The following BTBD16 variants were observed in gnomAD, a reference collection of about 807,000 sequenced individuals.
BTBD16 encodes BTB/POZ domain-containing protein 16.
Under a neutral mutation model 67.4 loss-of-function variants are expected in BTBD16, and 66 were observed. The observed-to-expected ratio is 0.98, with a 90% CI of 0.80 to 1.20. The LOEUF is 1.20. Among genes scored for constraint, BTBD16 ranks in the 50% most tolerant of loss-of-function variants. BTBD16 has a pLI of 0.00. For missense variants in BTBD16, 634 were observed against 616.0 expected, an observed-to-expected ratio of 1.03 and a Z score of -0.31; for synonymous variants, 242 against 236.4, an observed-to-expected ratio of 1.02 and a Z score of -0.22.
chr10:122,336,756 G>T, intron 15 of BTBD16, 74 bp downstream of exon 15: 1 of 1,347,566 alleles, frequency 7.4e-7, no homozygotes, highest in East Asian at 2.5e-5. Context: ...GGGATCACTG[G>T]CTTCTAATCT....
At chr10:122,314,572 G>T (rs866667702) in intron 10 of BTBD16, among the ~76,000 whole-genome samples, 1 of 152,274 alleles carries the variant, frequency 6.6e-6, no homozygotes, top group Admixed American at 6.5e-5. Flanking sequence ...TGGAGGTCTT[G>T]CTCATCTTCC....
chr10:122,288,771 G>A (rs1367162406), intron 5 of BTBD16, among the ~76,000 whole-genome samples: 1 of 152,222 alleles, frequency 6.6e-6, no homozygotes, highest in Non-Finnish European at 1.5e-5. Flanking sequence ...CCCTCTCGGG[G>A]GGAGGGACAT....
intron 15 of BTBD16, 73 bp downstream of exon 15, chr10:122,336,755 GGCTTCTAATCT>G: frequency 1.5e-6 from 2 of 1,363,712 alleles, no homozygotes; most frequent in South Asian, 3.1e-5. Context: ...GGGGATCACT[GGCTTCTAATCT>G]CCAGTGCTCT....
intron 12 of BTBD16, chr10:122,332,203 A>G (rs2096456216): frequency 2.0e-6 from 1 of 505,714 alleles, no homozygotes; most frequent in Non-Finnish European, 3.5e-6. Flanking sequence ...CTGCTCAGAT[A>G]CTTTTTTGTC....
chr10:122,312,309 C>CTT (rs58045019), intron 10 of BTBD16, among the ~76,000 whole-genome samples: 322 of 105,558 alleles, frequency 3.1e-3, no homozygotes, highest in Non-Finnish European at 4.5e-3. Context: ...TTTTCTTTTT[C>CTT]TTTTTTTTTT....
Position 122,276,844 on chromosome 10 carries a change from G to T in BTBD16, c.72G>T (p.Leu24Phe), listed in dbSNP as rs967094439. Residue 24 changes from leucine (L) to phenylalanine (F), a missense_variant, in exon 3 of 16, where the codon TTG becomes TTT. Physicochemically the swap from Leu to Phe is conservative, Grantham distance 22. Transcript: ENST00000260723. ...CTGGCTCAACCAACCGGTGGCGTTT[G>T]CCCAAACAGCCTTTCTCTGGGGACC... ...RVTGSTNRWR[L>F]PKQPFSGDLL... 6.2e-7 allele frequency: 1 copy of T among 1,614,250 alleles called. No individual in the cohort carries two copies. Among genetic ancestry groups the T allele is most frequent in the Non-Finnish European group, 8.5e-7 (1 of 1,180,038 alleles).
At chr10:122,325,790 C>T (rs1430207647) in intron 10 of BTBD16, among the ~76,000 whole-genome samples, 1 of 152,074 alleles carries the variant, frequency 6.6e-6, no homozygotes, top group Non-Finnish European at 1.5e-5. Flanking sequence ...ATGCTCCTGC[C>T]TCAGCCACCC....
intron 10 of BTBD16, among the ~76,000 whole-genome samples, chr10:122,321,628 A>G (rs886276183): frequency 6.6e-6 from 1 of 152,138 alleles, no homozygotes; most frequent in African/African-American, 2.4e-5. Flanking sequence ...ACATTTTTGC[A>G]TATGTTTGTT....
chr10:122,299,418 A>G (rs576170966), intron 9 of BTBD16, among the ~76,000 whole-genome samples: 5 of 152,200 alleles, frequency 3.3e-5, no homozygotes, highest in Non-Finnish European at 7.3e-5. Flanking sequence ...TTACCTAAGT[A>G]ATTTTTAGAA....
chr10:122,322,468 A>G (rs559737663), intron 10 of BTBD16, among the ~76,000 whole-genome samples: 2 of 152,282 alleles, frequency 1.3e-5, no homozygotes, highest in Admixed American at 1.3e-4. Context: ...CACTCTCTCC[A>G]TGAGGGGCAA....
chr10:122,305,698 G>T (rs993042213), intron 9 of BTBD16, among the ~76,000 whole-genome samples: 1 of 152,174 alleles, frequency 6.6e-6, no homozygotes, highest in African/African-American at 2.4e-5. Context: ...CAACAGAACA[G>T]TACAACCCTA....
chr10:122,277,371 A>C (rs183076660), intron 3 of BTBD16, among the ~76,000 whole-genome samples: 8 of 152,246 alleles, frequency 5.3e-5, no homozygotes, highest in Admixed American at 4.6e-4. Context: ...GGCTAGACCC[A>C]CTTCTCCATG....
intron 1 of BTBD16, among the ~76,000 whole-genome samples, chr10:122,272,805 A>T (rs924723360): frequency 2.0e-5 from 3 of 152,196 alleles, no homozygotes; most frequent in African/African-American, 7.2e-5. Flanking sequence ...ACAAAATGTT[A>T]GTGTCCCCAG....
intron 3 of BTBD16, among the ~76,000 whole-genome samples, chr10:122,280,068 C>A (rs1323994260): frequency 6.6e-6 from 1 of 152,142 alleles, no homozygotes; most frequent in Non-Finnish European, 1.5e-5. Context: ...TACCTTGGTC[C>A]TTTTGCAGGC....
intron 1 of BTBD16, among the ~76,000 whole-genome samples, chr10:122,273,530 A>G (rs1275792068): frequency 1.3e-5 from 2 of 152,124 alleles, no homozygotes; most frequent in Non-Finnish European, 2.9e-5. Context: ...GCTTGATATC[A>G]GGAGTTCAAG....
intron 6 of BTBD16, among the ~76,000 whole-genome samples, chr10:122,290,398 T>C (rs1326444823): frequency 6.6e-6 from 1 of 152,078 alleles, no homozygotes; most frequent in Non-Finnish European, 1.5e-5. Flanking sequence ...GACCACCCCT[T>C]ACCTCCCCCA....
chr10:122,300,464 C>T (rs748527039), intron 9 of BTBD16, among the ~76,000 whole-genome samples: 30 of 152,052 alleles, frequency 2.0e-4, no homozygotes, highest in African/African-American at 2.9e-4. Flanking sequence ...TGCGTCTCTA[C>T]GTGTATCTAC....
intron 8 of BTBD16, 36 bp downstream of exon 8, chr10:122,297,873 G>A (rs13377142): frequency 1.0e-5 from 16 of 1,602,960 alleles, no homozygotes; most frequent in African/African-American, 2.7e-5. Context: ...TCGCCCCTTG[G>A]GGGGGCCTTC....
chr10:122,327,564 C>T (rs1038907340), intron 10 of BTBD16: 1 of 985,030 alleles, frequency 1.0e-6, no homozygotes, highest in Non-Finnish European at 1.2e-6. Flanking sequence ...CCCTGGTCTG[C>T]CTGCCTCGGG....
Sources: allele counts gnomAD v4.1 joint callset (sites outside exome capture counted in the v4.1 genomes callset), GRCh38; gene constraint gnomAD v4.1.1; transcripts MANE v1.5; gene names NCBI Gene and HGNC (gene_info 2026-07-23, HGNC 2026-07-21).